Variants in KLHL32 observed in about 807,000 individuals in gnomAD.
KLHL32 encodes the protein kelch-like protein 32.
Under a neutral mutation model 64.8 loss-of-function variants are expected in KLHL32, and 35 were observed. The observed-to-expected ratio is 0.54, with a 90% CI of 0.41 to 0.72. The LOEUF is 0.72. KLHL32 is among the 30% of genes least tolerant of loss of function. KLHL32 has a pLI of 0.00. For synonymous variants in KLHL32, 259 were observed against 281.0 expected, an observed-to-expected ratio of 0.92 and a Z score of 0.78; for missense variants, 589 against 768.5, an observed-to-expected ratio of 0.77 and a Z score of 2.76.
chr6:96,963,673 A>C (rs1186895392), intron 1 of KLHL32, among the ~76,000 whole-genome samples: 1 of 152,198 alleles, frequency 6.6e-6, no homozygotes, highest in Non-Finnish European at 1.5e-5. Context: ...CTGAACTGAG[A>C]GGCTGATGGA....
At chr6:96,935,915 A>T (rs1024775814) in intron 1 of KLHL32, among the ~76,000 whole-genome samples, 1 of 152,156 alleles carries the variant, frequency 6.6e-6, no homozygotes, top group Admixed American at 6.5e-5. Flanking sequence ...CTTAAGAGAG[A>T]TTGGCTTTGA....
Position 97,130,904 on chromosome 6 carries a change from A to G in KLHL32, c.1561A>G (p.Ile521Val), listed in dbSNP as rs545689221. 7.4e-6 allele frequency: 12 copies of G among 1,614,134 alleles called. No homozygotes were observed. The African/African-American group carries it at 1.3e-4, about 18-fold the overall frequency. Reference sequence around the variant, plus strand: ...TGTGCGCCATATAGATTCTTACAACATAGACACTGACCAGTGGACACGTTG... The same window carrying G: ...TGTGCGCCATATAGATTCTTACAACGTAGACACTGACCAGTGGACACGTTG... ...ILVRHIDSYN[I>V]DTDQWTRCNF... The change falls in exon 9 of 11, where the codon ATA (isoleucine) becomes GTA (valine). Residue 521 changes from isoleucine to valine, a missense_variant. By Grantham distance (29) the Ile-to-Val change is conservative (BLOSUM62 3). Transcript: ENST00000369261.
chr6:97,032,838 A>G (rs1423192335), intron 3 of KLHL32, among the ~76,000 whole-genome samples: 2 of 152,196 alleles, frequency 1.3e-5, no homozygotes, highest in Non-Finnish European at 2.9e-5. Context: ...TTTTTATTTA[A>G]CTGTGATCTG....
chr6:97,079,375 C>G (rs1792124340), intron 5 of KLHL32, among the ~76,000 whole-genome samples: 1 of 152,198 alleles, frequency 6.6e-6, no homozygotes, highest in African/African-American at 2.4e-5. Context: ...ACACTGTCCT[C>G]AAACTGCCCT....
At chr6:96,998,847 A>G (rs1196557622) in intron 3 of KLHL32, among the ~76,000 whole-genome samples, 1 of 152,240 alleles carries the variant, frequency 6.6e-6, no homozygotes, top group Non-Finnish European at 1.5e-5. Flanking sequence ...TATTTGAATT[A>G]TGCATTACAT....
chr6:97,131,722 C>T (rs1799461789), intron 9 of KLHL32, among the ~76,000 whole-genome samples: 1 of 152,178 alleles, frequency 6.6e-6, no homozygotes, highest in South Asian at 2.1e-4. Context: ...TGAGTGGGCA[C>T]TCAATCCCTT....
At position 97,130,747 on chromosome 6, in the gene KLHL32, C is replaced by G; in HGVS notation, c.1414-10C>G. The G allele has an allele frequency of 1.3e-6, 2 of 1,595,334 alleles. No homozygotes were observed. The highest frequency in any genetic ancestry group is 1.7e-6 in the Non-Finnish European group (2 of 1,171,066). ...CTACTAACAGAATACACTTAAATTT[C>G]TTTTTTCAGAATAAGTGGATAAGCC... is the stretch of plus-strand genomic sequence containing the variant. On this transcript the variant is annotated splice_polypyrimidine_tract_variant and intron_variant, in intron 8 of 10. Transcript: ENST00000369261.
chr6:97,082,542 G>A (rs892298611), intron 5 of KLHL32, among the ~76,000 whole-genome samples: 15 of 151,986 alleles, frequency 9.9e-5, no homozygotes, highest in Non-Finnish European at 2.1e-4. Context: ...GAACCCGGGA[G>A]GCGGAGCTTG....
In KLHL32 at chr6:96,926,182, C is replaced by T. The variant is rs528646863; in HGVS notation, c.-66+1156C>T. On this transcript the variant is annotated intron_variant, in intron 1 of 10. Coordinates refer to ENST00000369261, the MANE Select transcript of KLHL32 (RefSeq NM_052904.4). ...AAATGGCCCAGTAAAGATCCACTGG[C>T]ATTCAAGAATTAATTTTGTTTTCCT... Among the ~76,000 whole-genome samples the T allele has an allele frequency of 2.0e-5, 3 of 152,316 alleles. No individual in the cohort carries two copies. In the East Asian group the frequency reaches 5.8e-4, roughly 29 times the overall value.
chr6:97,012,179 A>G (rs1780493894), intron 3 of KLHL32, among the ~76,000 whole-genome samples: 1 of 152,202 alleles, frequency 6.6e-6, no homozygotes. Flanking sequence ...GCAAAATAAT[A>G]GACCCCCTGG....
chr6:97,116,944 C>A (rs756522391), intron 7 of KLHL32, among the ~76,000 whole-genome samples: 2 of 152,198 alleles, frequency 1.3e-5, no homozygotes, highest in African/African-American at 4.8e-5. Context: ...TCACAATTTT[C>A]TCAGGTTTGT....
chr6:97,067,538 AC>A (rs1166048862), intron 5 of KLHL32, among the ~76,000 whole-genome samples: 13 of 152,120 alleles, frequency 8.5e-5, no homozygotes, highest in African/African-American at 3.1e-4. Flanking sequence ...ATCTGTGGTA[AC>A]CCATGGCCCC....
intron 5 of KLHL32, among the ~76,000 whole-genome samples, chr6:97,082,206 G>C (rs1376930646): frequency 6.6e-6 from 1 of 152,192 alleles, no homozygotes; most frequent in Non-Finnish European, 1.5e-5. Context: ...ACTGGCGATT[G>C]ACTAGATGTA....
At chr6:96,905,527 C>T in the KLHL32 span, among the ~76,000 whole-genome samples, 5 of 152,292 alleles carry the variant, frequency 3.3e-5, no homozygotes, top group South Asian at 8.3e-4. Flanking sequence ...TCTATCACTT[C>T]CTGACTGCAT....
intron 3 of KLHL32, among the ~76,000 whole-genome samples, chr6:96,988,000 C>G (rs549043835): frequency 5.3e-5 from 8 of 152,318 alleles, no homozygotes; most frequent in African/African-American, 1.4e-4. Context: ...CATAAAAACC[C>G]TAGAAGAAAA....
intron 6 of KLHL32, among the ~76,000 whole-genome samples, chr6:97,097,249 C>T (rs1339092903): frequency 6.6e-6 from 1 of 152,148 alleles, no homozygotes; most frequent in African/African-American, 2.4e-5. Flanking sequence ...TCATCAGACT[C>T]CTCCATCACC....
intron 3 of KLHL32, among the ~76,000 whole-genome samples, chr6:96,993,410 C>T (rs947245723): frequency 2.0e-5 from 3 of 152,150 alleles, no homozygotes; most frequent in Non-Finnish European, 1.5e-5. Context: ...GGCATTTTCA[C>T]GTGGCAACTA....
intron 3 of KLHL32, among the ~76,000 whole-genome samples, chr6:97,001,690 A>G (rs945052209): frequency 6.6e-5 from 10 of 152,194 alleles, no homozygotes; most frequent in African/African-American, 9.7e-5. Context: ...ATACTGAACT[A>G]TTAGGTTGTA....
chr6:96,991,958 C>T (rs984957128), intron 3 of KLHL32, among the ~76,000 whole-genome samples: 1 of 152,018 alleles, frequency 6.6e-6, no homozygotes, highest in South Asian at 2.1e-4. Flanking sequence ...GCTCCCTCCC[C>T]AGCCTGAGGG....
Sources: gnomAD v4.1 joint callset for allele counts (sites outside exome capture counted in the v4.1 genomes callset) on GRCh38, gnomAD v4.1.1 for gene constraint, MANE v1.5 for transcripts, NCBI Gene and HGNC (gene_info 2026-07-23, HGNC 2026-07-21) for gene names.